Variants in COL25A1 observed in about 807,000 individuals in gnomAD.
COL25A1 encodes the protein collagen type XXV alpha 1 chain.
Under a neutral mutation model 128.4 loss-of-function variants are expected in COL25A1, and 103 were observed. The observed-to-expected ratio is 0.80, with a 90% CI of 0.68 to 0.94. The LOEUF (loss-of-function observed/expected upper bound fraction) is 0.94. Among genes scored for constraint, COL25A1 ranks in the 40% least tolerant of loss-of-function variants. The probability of loss-of-function intolerance (pLI) is 0.00; values close to 1 mark genes in which losing one functional copy is unlikely to be tolerated. For missense variants in COL25A1, 745 were observed against 840.0 expected, an observed-to-expected ratio of 0.89 and a Z score of 1.40; for synonymous variants, 279 against 277.2, an observed-to-expected ratio of 1.01 and a Z score of -0.06.
intron 5 of COL25A1, among the ~76,000 whole-genome samples, chr4:109,031,268 C>T (rs1013764325): frequency 2.0e-5 from 3 of 152,202 alleles, no homozygotes; most frequent in South Asian, 2.1e-4. Context: ...CCTGCCACCG[C>T]GCCCGGCTAA....
chr4:108,891,573 T>G (rs1223649792), intron 16 of COL25A1, among the ~76,000 whole-genome samples: 2 of 152,228 alleles, frequency 1.3e-5, no homozygotes, highest in African/African-American at 2.4e-5. Context: ...GTTCCTACTT[T>G]ATCTCATTTA....
At chr4:109,205,214 G>A (rs1776880663) in intron 3 of COL25A1, among the ~76,000 whole-genome samples, 1 of 152,128 alleles carries the variant, frequency 6.6e-6, no homozygotes, top group South Asian at 2.1e-4. Context: ...AACAATCATA[G>A]AGTTGATACA....
chr4:108,977,589 G>C (rs559812515), intron 6 of COL25A1, among the ~76,000 whole-genome samples: 1 of 152,264 alleles, frequency 6.6e-6, no homozygotes, highest in East Asian at 1.9e-4. Context: ...ATACAATTGA[G>C]GTTCTAGTCT....
intron 3 of COL25A1, among the ~76,000 whole-genome samples, chr4:109,140,577 T>C (rs12510158): frequency 0.083 from 12,670 of 152,196 alleles, 907 homozygotes; most frequent in East Asian, 0.25. Flanking sequence ...ATGGAATGTT[T>C]TTCCATTTGT....
intron 16 of COL25A1, among the ~76,000 whole-genome samples, chr4:108,892,725 T>C (rs1477006850): frequency 1.3e-5 from 2 of 152,186 alleles, no homozygotes; most frequent in Admixed American, 1.3e-4. Flanking sequence ...TCACTATGCA[T>C]GCACAGAAGA....
chr4:108,885,687 T>A (rs1419925845), intron 18 of COL25A1, among the ~76,000 whole-genome samples: 1 of 152,164 alleles, frequency 6.6e-6, no homozygotes, highest in Admixed American at 6.5e-5. Context: ...AAATTCTCTT[T>A]TATGTTAAAA....
chr4:109,248,244 G>A (rs78891526), intron 3 of COL25A1, among the ~76,000 whole-genome samples: 5,473 of 152,088 alleles, frequency 0.036, 332 homozygotes, highest in African/African-American at 0.13. Context: ...TCAGAATTAT[G>A]AGTATTCAAT....
At chr4:108,884,342 C>T (rs967388936) in intron 18 of COL25A1, 120 bp from the exon 19 acceptor site, 1 of 911,758 alleles carries the variant, frequency 1.1e-6, no homozygotes, top group Non-Finnish European at 1.7e-6. Context: ...AAAAAACCGT[C>T]TACTTTCAAA....
intron 19 of COL25A1, among the ~76,000 whole-genome samples, chr4:108,871,468 A>G (rs1738702593): frequency 6.6e-6 from 1 of 152,156 alleles, no homozygotes; most frequent in East Asian, 1.9e-4. Context: ...GGCGCCCGCC[A>G]CTACGCCCGG....
At chr4:109,016,063 A>G (rs578149087) in intron 5 of COL25A1, among the ~76,000 whole-genome samples, 17 of 152,290 alleles carry the variant, frequency 1.1e-4, no homozygotes, top group Admixed American at 5.2e-4. Context: ...GCAGCTGCCC[A>G]GTCATGGCTC....
rs150904803 is a variant in COL25A1 at position 109,287,119 on chromosome 4, A to G, written c.367+13464T>C. Among the ~76,000 whole-genome samples, 134 of 152,350 alleles carry G rather than the reference A, an allele frequency of 8.8e-4. 2 individuals carry two copies. Among genetic ancestry groups the G allele is most frequent in the Admixed American group, 1.6e-3 (24 of 15,300 alleles). On this transcript the variant is annotated intron_variant, in intron 3 of 37. Coordinates refer to ENST00000399132, the MANE Select transcript of COL25A1 (RefSeq NM_198721.4). Reference sequence around the variant, plus strand: ...TACTATTTTTGAAGTCATGAAAAGTAAACTGGAATTATGAGTTCAAATACC... The same window carrying G: ...TACTATTTTTGAAGTCATGAAAAGTGAACTGGAATTATGAGTTCAAATACC...
chr4:109,222,774 T>C (rs770659277), intron 3 of COL25A1, among the ~76,000 whole-genome samples: 1 of 152,190 alleles, frequency 6.6e-6, no homozygotes, highest in Non-Finnish European at 1.5e-5. Context: ...CAAACCTATA[T>C]TGCTGAATGA....
intron 3 of COL25A1, among the ~76,000 whole-genome samples, chr4:109,168,945 C>G (rs1660188768): frequency 6.6e-6 from 1 of 152,132 alleles, no homozygotes; most frequent in African/African-American, 2.4e-5. Flanking sequence ...CTCACCCGCA[C>G]TACTGCATGT....
intron 5 of COL25A1, among the ~76,000 whole-genome samples, chr4:109,021,190 C>T (rs1240216090): frequency 6.6e-6 from 1 of 152,132 alleles, no homozygotes. Flanking sequence ...ATCTGTGTCT[C>T]CTGTTTCTGG....
chr4:109,239,860 CTT>C (rs1297267853), intron 3 of COL25A1, among the ~76,000 whole-genome samples: 4 of 151,980 alleles, frequency 2.6e-5, no homozygotes, highest in Non-Finnish European at 5.9e-5. Context: ...ACTTCATAGA[CTT>C]CCAATTTTTA....
At chr4:109,261,001 A>G (rs1322642090) in intron 3 of COL25A1, among the ~76,000 whole-genome samples, 1 of 152,180 alleles carries the variant, frequency 6.6e-6, no homozygotes, top group Non-Finnish European at 1.5e-5. Flanking sequence ...TGTTATTACC[A>G]TTTTTCAGAA....
chr4:108,822,716 G>A (rs1170850855), intron 35 of COL25A1, among the ~76,000 whole-genome samples: 3 of 152,108 alleles, frequency 2.0e-5, no homozygotes, highest in Non-Finnish European at 4.4e-5. Flanking sequence ...ATGAACCACT[G>A]CACCCAGCTA....
chr4:109,080,401 GA>G (rs1239359017), intron 3 of COL25A1, among the ~76,000 whole-genome samples: 1 of 151,808 alleles, frequency 6.6e-6, no homozygotes, highest in Admixed American at 6.6e-5. Context: ...AATCCTAATA[GA>G]AAAAAATATT....
At chr4:109,300,787 C>T (rs1300262041) in intron 2 of COL25A1, 135 bp from the exon 3 acceptor site, 7 of 614,492 alleles carry the variant, frequency 1.1e-5, no homozygotes, top group Non-Finnish European at 2.0e-5. Context: ...TGTACTTGGA[C>T]TCTAGTCAAG....
Sources: allele counts gnomAD v4.1 joint callset (sites outside exome capture counted in the v4.1 genomes callset), GRCh38; gene constraint gnomAD v4.1.1; transcripts MANE v1.5; gene names NCBI Gene and HGNC (gene_info 2026-07-23, HGNC 2026-07-21).